Variants in CHMP1A observed in about 807,000 individuals in gnomAD.
The protein encoded by CHMP1A is charged multivesicular body protein 1A, also known as VPS46 homolog A.
In CHMP1A, 17 loss-of-function variants were observed where a neutral mutation model predicts 27.0. The ratio of observed to expected loss-of-function variants is 0.63; its 90% CI spans 0.43 to 0.95. CHMP1A has a LOEUF of 0.95. CHMP1A is among the 40% of genes least tolerant of loss of function. The pLI is 0.00. For synonymous variants in CHMP1A, 131 were observed against 107.5 expected (o/e 1.22, Z -1.35); for missense variants, 275 against 264.0 (o/e 1.04, Z -0.29).
In CHMP1A at chr16:89,653,894, C is replaced by G; in HGVS notation, c.27+10G>C. On this transcript the variant is annotated intron_variant, in intron 2 of 6. Coordinates refer to ENST00000397901, the MANE Select transcript of CHMP1A (RefSeq NM_002768.5). ...AACAGGGCTGGGGTGAACGGCCATTCGGTACATACCTTCAACTGGAACAGG... is the reference window on the plus strand; with the variant it reads ...AACAGGGCTGGGGTGAACGGCCATTGGGTACATACCTTCAACTGGAACAGG... 1 of 1,613,298 alleles carries G rather than the reference C, an allele frequency of 6.2e-7. No homozygotes were observed. Among genetic ancestry groups the G allele is most frequent in the Non-Finnish European group, 8.5e-7 (1 of 1,179,442 alleles).
chr16:89,650,100 GT>G (rs2151514261), intron 3 of CHMP1A, among the ~76,000 whole-genome samples: 1 of 152,324 alleles, frequency 6.6e-6, no homozygotes, highest in Admixed American at 6.5e-5. Flanking sequence ...TGGGTGAAGA[GT>G]TACCAAAGTC....
At chr16:89,653,654 C>T (rs1239193859) in intron 2 of CHMP1A, among the ~76,000 whole-genome samples, 1 of 142,832 alleles carries the variant, frequency 7.0e-6, no homozygotes, top group Non-Finnish European at 1.5e-5. Context: ...AAAGATAACA[C>T]TATTTCTTTC....
chr16:89,649,273 C>T, intron 4 of CHMP1A, 78 bp downstream of exon 4: 1 of 1,556,170 alleles, frequency 6.4e-7, no homozygotes, highest in Non-Finnish European at 8.7e-7. Context: ...TCTGAGCTGC[C>T]CCAGATCCAG....
intron 4 of CHMP1A, among the ~76,000 whole-genome samples, chr16:89,647,638 G>T (rs1454018963): frequency 1.3e-5 from 1 of 77,778 alleles, no homozygotes; most frequent in African/African-American, 3.9e-5. Context: ...AGAAAAGGCC[G>T]CCGACGTGGG....
At chr16:89,651,262 G>C (rs2162944) in intron 3 of CHMP1A, among the ~76,000 whole-genome samples, 22,557 of 151,870 alleles carry the variant, frequency 0.15, 1,998 homozygotes, top group East Asian at 0.28. Context: ...TCGCAGCTAC[G>C]TGTGAGGCGA....
At chr16:89,654,346 C>T (rs2059847581) in intron 1 of CHMP1A, among the ~76,000 whole-genome samples, 1 of 152,202 alleles carries the variant, frequency 6.6e-6, no homozygotes, top group African/African-American at 2.4e-5. Flanking sequence ...ACCTGTAATC[C>T]CAGCACTCTG....
intron 5 of CHMP1A, 32 bp downstream of exon 5, chr16:89,647,171 A>G (rs895357958): frequency 1.2e-6 from 2 of 1,604,046 alleles, no homozygotes; most frequent in Non-Finnish European, 1.7e-6. Flanking sequence ...CCTTGTCCCC[A>G]GGCCACAGCC....
At chr16:89,653,793 C>T (rs946545216) in intron 2 of CHMP1A, 111 bp downstream of exon 2, 2 of 1,162,940 alleles carry the variant, frequency 1.7e-6, no homozygotes, top group African/African-American at 1.5e-5. Flanking sequence ...GTGGCGGTCA[C>T]TCAACTGTTA....
intron 2 of CHMP1A, among the ~76,000 whole-genome samples, chr16:89,653,031 T>C (rs1053188727): frequency 6.9e-6 from 1 of 144,800 alleles, no homozygotes; most frequent in Non-Finnish European, 1.5e-5. Flanking sequence ...TTTTTTTTTT[T>C]TTTTTTTTGA....
chr16:89,657,642 G>C lies in CHMP1A; in HGVS notation c.-54C>G, dbSNP rs567250443. The C allele has an allele frequency of 1.2e-6, 2 of 1,607,486 alleles. No homozygotes were observed. The highest frequency in any genetic ancestry group is 2.7e-5 in the African/African-American group (2 of 74,232). ...GAGGGAGAAGGGACGCCAACTCCGGGCGGTGTCAGGTCCCGGCGGCGATCG... is the reference window on the plus strand; with the variant it reads ...GAGGGAGAAGGGACGCCAACTCCGGCCGGTGTCAGGTCCCGGCGGCGATCG... On this transcript the variant is annotated 5_prime_UTR_variant, in exon 1 of 7. Transcript: ENST00000397901.
rs539766456 is a variant in CHMP1A, at chr16:89,650,142, G to A, written c.106-645C>T. ...CGCTGGGACCTACTTCACCGATTAC[G>A]CAGTTTTAAGAGCTGCACAAGATCC... On this transcript the variant is annotated intron_variant, in intron 3 of 6. Coordinates refer to ENST00000397901, the MANE Select transcript of CHMP1A (RefSeq NM_002768.5). 5.9e-5 allele frequency among the ~76,000 whole-genome samples: 9 copies of A among 152,278 alleles called. No individual in the cohort carries two copies. The South Asian group carries it at 8.3e-4, about 14-fold the overall frequency.
intron 1 of CHMP1A, 149 bp from the exon 2 acceptor site, chr16:89,654,072 C>G (rs188593506): frequency 2.0e-4 from 170 of 836,694 alleles, no homozygotes; most frequent in South Asian, 2.7e-4. Context: ...GGAGCCCCCC[C>G]CAACAGGGGA....
Position 89,648,445 on chromosome 16 carries a change from G to A in CHMP1A, c.252+906C>T, listed in dbSNP as rs941244932. Reference sequence around the variant, plus strand: ...CGGTGGAGAAAAGGCCGCCGACGTGGGGTCTCCAGGACTGCTGTGCCCTCC... The same window carrying A: ...CGGTGGAGAAAAGGCCGCCGACGTGAGGTCTCCAGGACTGCTGTGCCCTCC... On this transcript the variant is annotated intron_variant, in intron 4 of 6. Coordinates refer to ENST00000397901, the MANE Select transcript of CHMP1A (RefSeq NM_002768.5). Among the ~76,000 whole-genome samples, 4 of 151,974 alleles carry A rather than the reference G, an allele frequency of 2.6e-5. 1 individual carries two copies. Among genetic ancestry groups the A allele is most frequent in the Non-Finnish European group, 5.9e-5 (4 of 67,980 alleles).
chr16:89,649,584 T>C (rs984634046), intron 3 of CHMP1A, 87 bp from the exon 4 acceptor site: 1 of 1,519,602 alleles, frequency 6.6e-7, no homozygotes, highest in African/African-American at 1.4e-5. Flanking sequence ...TGTTTTGTTT[T>C]GTTTTGTTTG....
At chr16:89,653,805 A>G in intron 2 of CHMP1A, 99 bp downstream of exon 2, 5 of 1,293,700 alleles carry the variant, frequency 3.9e-6, no homozygotes, top group East Asian at 2.3e-5. Flanking sequence ...CAACTGTTAT[A>G]TAATCTGCCC....
chr16:89,651,004 C>T (rs780017658), intron 3 of CHMP1A, among the ~76,000 whole-genome samples: 1 of 152,200 alleles, frequency 6.6e-6, no homozygotes, highest in Non-Finnish European at 1.5e-5. Context: ...CCATTCTGGG[C>T]TGCACCACAC....
chr16:89,651,652 C>T lies in CHMP1A; in HGVS notation c.28-6G>A, dbSNP rs753406733. 1.2e-5 allele frequency: 20 copies of T among 1,613,148 alleles called. No homozygotes were observed. Among genetic ancestry groups the T allele is most frequent in the Admixed American group, 1.2e-4 (7 of 59,976 alleles). ...TCCAGCTGCTTCGCCGTGAACTGAG[C>T]GGAAGCCGGAATGTCCTGGGTCAGA... is the stretch of plus-strand genomic sequence containing the variant. On this transcript the variant is annotated splice_region_variant and splice_polypyrimidine_tract_variant and intron_variant, in intron 2 of 6. Transcript: ENST00000397901.
intron 1 of CHMP1A, among the ~76,000 whole-genome samples, chr16:89,654,275 G>A (rs1011765214): frequency 2.6e-5 from 4 of 152,200 alleles, no homozygotes; most frequent in African/African-American, 9.7e-5. Flanking sequence ...AAAAGATGGT[G>A]GTTTATAATT....
In CHMP1A at chr16:89,651,716, C is replaced by A. The variant is rs919847806; in HGVS notation, c.28-70G>T. The A allele has an allele frequency of 2.0e-5, 30 of 1,478,338 alleles. No individual in the cohort carries two copies. The Middle Eastern group carries it at 7.8e-4, about 38-fold the overall frequency. The allele number at this position is 1,478,338 out of a possible 1,614,324, so 91.6% of individuals were successfully genotyped here. A position where few individuals can be genotyped will look rare whatever the true frequency, so the allele number is the denominator to read the frequency against. ...TCCCCCAGGCCCGGCTCTCCACACC[C>A]CCACACCTGTGCCCACACCTGTGCC... is the stretch of plus-strand genomic sequence containing the variant. On this transcript the variant is annotated intron_variant, in intron 2 of 6. Transcript: ENST00000397901.
Sources: gnomAD v4.1 joint callset for allele counts (sites outside exome capture counted in the v4.1 genomes callset) on GRCh38, gnomAD v4.1.1 for gene constraint, MANE v1.5 for transcripts, NCBI Gene and HGNC (gene_info 2026-07-23, HGNC 2026-07-21) for gene names.